The following PTCSC3 variants were observed in gnomAD, a reference collection of about 807,000 sequenced individuals.
The protein encoded by PTCSC3 is papillary thyroid carcinoma susceptibility candidate 3 (non-protein coding).
rs545955476 is a variant in PTCSC3 at position 36,138,243 on chromosome 14, C to T, written n.323-1887G>A. ...AAAATTAACTCAAAATAGACCTAAG[C>T]ATCAGATCTGAAATGAGATAAAGCT... On this transcript the variant is annotated intron_variant and non_coding_transcript_variant, in intron 3 of 3. Coordinates refer to ENST00000556013, the Ensembl canonical transcript of PTCSC3. Among the ~76,000 whole-genome samples the T allele has an allele frequency of 2.6e-5, 4 of 152,274 alleles. No homozygotes were observed. The South Asian group carries it at 8.3e-4, about 32-fold the overall frequency.
intron 1 of PTCSC3, among the ~76,000 whole-genome samples, chr14:36,173,906 C>T (rs1238310396): frequency 6.6e-6 from 1 of 152,118 alleles, no homozygotes; most frequent in Non-Finnish European, 1.5e-5. Context: ...AAAGTCATTT[C>T]ATTGTCTTCT....
At chr14:36,151,324 T>C (rs1035455944) in intron 3 of PTCSC3, among the ~76,000 whole-genome samples, 1 of 151,976 alleles carries the variant, frequency 6.6e-6, no homozygotes, top group Non-Finnish European at 1.5e-5. Context: ...AGATGTTTTG[T>C]TTTTGGTTTC....
chr14:36,164,476 T>G (rs1347699791), intron 1 of PTCSC3, among the ~76,000 whole-genome samples: 4 of 152,242 alleles, frequency 2.6e-5, no homozygotes, highest in Admixed American at 2.6e-4. Flanking sequence ...TATTTTCTTA[T>G]AAAGGGAATT....
intron 2 of PTCSC3, among the ~76,000 whole-genome samples, chr14:36,158,214 C>T (rs912919134): frequency 4.6e-5 from 7 of 152,180 alleles, no homozygotes; most frequent in South Asian, 2.1e-4. Flanking sequence ...GACAATTTGA[C>T]TTCCTCTTTT....
In PTCSC3 at chr14:36,160,545, T is replaced by C. The variant is rs747875978; in HGVS notation, n.231+2079A>G. On this transcript the variant is annotated intron_variant and non_coding_transcript_variant, in intron 2 of 3. Transcript: ENST00000556013. ...AAAATTATTTTAAGAATGTTGAATA[T>C]TGGCCCCCACTCTCTTCTGGTTTGT... Among the ~76,000 whole-genome samples the C allele has an allele frequency of 2.6e-5, 4 of 152,214 alleles. 1 individual carries two copies. The highest frequency in any genetic ancestry group is 5.9e-5 in the Non-Finnish European group (4 of 68,036).
intron 1 of PTCSC3, among the ~76,000 whole-genome samples, chr14:36,168,256 C>A (rs1410158250): frequency 6.6e-6 from 1 of 151,380 alleles, no homozygotes; most frequent in African/African-American, 2.4e-5. Context: ...CTTTCTAGTT[C>A]CATTTCCATG....
intron 3 of PTCSC3, among the ~76,000 whole-genome samples, chr14:36,148,499 G>A (rs867014301): frequency 1.3e-5 from 2 of 152,216 alleles, no homozygotes; most frequent in South Asian, 2.1e-4. Context: ...CCCAAGTGAT[G>A]CAATGCCTCG....
intron 1 of PTCSC3, among the ~76,000 whole-genome samples, chr14:36,164,584 C>T (rs924849213): frequency 1.2e-5 from 1 of 83,510 alleles, no homozygotes; most frequent in Non-Finnish European, 3.0e-5. Flanking sequence ...AAAGTTAGAA[C>T]TATTTTTTAT....
intron 3 of PTCSC3, among the ~76,000 whole-genome samples, chr14:36,151,765 G>C (rs1741239370): frequency 6.6e-6 from 1 of 152,152 alleles, no homozygotes; most frequent in Non-Finnish European, 1.5e-5. Context: ...GTTTCCCTGA[G>C]AGCCAGCCTT....
At chr14:36,145,234 G>C (rs910817902) in intron 3 of PTCSC3, among the ~76,000 whole-genome samples, 3 of 148,454 alleles carry the variant, frequency 2.0e-5, no homozygotes, top group Admixed American at 2.0e-4. Context: ...CAGAAGGAAT[G>C]GTACCAGTTC....
At chr14:36,146,768 T>C (rs1881581830) in intron 3 of PTCSC3, among the ~76,000 whole-genome samples, 1 of 152,318 alleles carries the variant, frequency 6.6e-6, no homozygotes, top group South Asian at 2.1e-4. Flanking sequence ...CGATGGTCTT[T>C]ACATTTTGGC....
chr14:36,136,236 A>G (rs926184608), exon 4 of PTCSC3: 2 of 152,228 alleles, frequency 1.3e-5, no homozygotes, highest in African/African-American at 4.8e-5. Flanking sequence ...TCAAATGTTA[A>G]TCTCCTTTGG....
At chr14:36,162,149 T>C (rs997740400) in intron 2 of PTCSC3, among the ~76,000 whole-genome samples, 1 of 149,372 alleles carries the variant, frequency 6.7e-6, no homozygotes, top group Non-Finnish European at 1.5e-5. Context: ...CTGGACTCTG[T>C]GGGGGTGGGA....
At chr14:36,154,416 C>A (rs187601913) in intron 2 of PTCSC3, among the ~76,000 whole-genome samples, 5 of 152,008 alleles carry the variant, frequency 3.3e-5, no homozygotes, top group Admixed American at 6.6e-5. Flanking sequence ...TGAAAAGATA[C>A]CAAAATGTTA....
rs1881934504 is a variant in PTCSC3, at chr14:36,160,640, C to G, written n.231+1984G>C. ...TTTGTAGGTAACCTGACCTTTCTCT[C>G]TGGCTGCCTTAAGATTTTTTCCTTC... is the stretch of plus-strand genomic sequence containing the variant. On this transcript the variant is annotated intron_variant and non_coding_transcript_variant, in intron 2 of 3. Transcript: ENST00000556013. Among the ~76,000 whole-genome samples the G allele has an allele frequency of 3.3e-5, 3 of 91,792 alleles. No homozygotes were observed. The South Asian group carries it at 1.1e-3, about 35-fold the overall frequency. 60.2% of individuals were successfully genotyped at this position (91,792 alleles called of 152,430 possible). A position where few individuals can be genotyped will look rare whatever the true frequency, so the allele number is the denominator to read the frequency against.
chr14:36,156,846 C>T (rs893527876), intron 2 of PTCSC3, among the ~76,000 whole-genome samples: 3 of 152,160 alleles, frequency 2.0e-5, no homozygotes, highest in Admixed American at 1.3e-4. Flanking sequence ...CAAGTGTTTG[C>T]TGTTGTGAAC....
At chr14:36,162,469 T>G (rs547597477) in intron 2 of PTCSC3, among the ~76,000 whole-genome samples, 2 of 152,216 alleles carry the variant, frequency 1.3e-5, no homozygotes, top group South Asian at 2.1e-4. Context: ...GGGCTTCCCT[T>G]GGCTAGGGGA....
At chr14:36,138,941 CG>C (rs1881352330) in intron 3 of PTCSC3, among the ~76,000 whole-genome samples, 1 of 151,714 alleles carries the variant, frequency 6.6e-6, no homozygotes, top group African/African-American at 2.4e-5. Context: ...GGTGAAACCC[CG>C]TCTCTACTAA....
At chr14:36,148,103 C>G (rs940368473) in intron 3 of PTCSC3, among the ~76,000 whole-genome samples, 14 of 152,086 alleles carry the variant, frequency 9.2e-5, no homozygotes, top group Non-Finnish European at 1.9e-4. Flanking sequence ...GCAGAAGTTA[C>G]TGCTGTCTTT....
Sources: gnomAD v4.1 joint callset for allele counts (sites outside exome capture counted in the v4.1 genomes callset) on GRCh38, gnomAD v4.1.1 for gene constraint, MANE v1.5 for transcripts, NCBI Gene and HGNC (gene_info 2026-07-23, HGNC 2026-07-21) for gene names.